Variants in ARSB observed in about 807,000 individuals in gnomAD.
ARSB encodes the protein N-acetylgalactosamine-4-sulfatase.
Under a neutral mutation model 50.9 loss-of-function variants are expected in ARSB, and 41 were observed. The observed-to-expected ratio is 0.81, with a 90% CI of 0.63 to 1.04. The LOEUF (loss-of-function observed/expected upper bound fraction) is 1.04. ARSB is among the 50% of genes least tolerant of loss of function. ARSB has a pLI of 0.00. For missense variants in ARSB, 672 were observed against 693.3 expected (o/e 0.97, Z 0.35); for synonymous variants, 269 against 284.8 (o/e 0.94, Z 0.56).
chr5:78,931,095 G>A (rs749525607), intron 4 of ARSB, among the ~76,000 whole-genome samples: 2 of 152,212 alleles, frequency 1.3e-5, no homozygotes, highest in African/African-American at 2.4e-5. Context: ...TCTCTCTCTC[G>A]TTTTCTGGAG....
chr5:78,869,848 C>A lies in ARSB; in HGVS notation c.1142+15736G>T, dbSNP rs1450705706. Among the ~76,000 whole-genome samples, 31 of 148,766 alleles carry A rather than the reference C, an allele frequency of 2.1e-4. 2 individuals carry two copies. In the South Asian group the frequency reaches 6.1e-3, roughly 29 times the overall value. ...CTGAAGGAAATAGAGACACAAAAAA[C>A]CCTTCAAAAAATCAATGAATCCAGG... On this transcript the variant is annotated intron_variant, in intron 5 of 7. Transcript: ENST00000264914.
At chr5:78,872,668 G>A (rs1369979055) in intron 5 of ARSB, among the ~76,000 whole-genome samples, 1 of 142,376 alleles carries the variant, frequency 7.0e-6, no homozygotes, top group African/African-American at 2.6e-5. Flanking sequence ...GACTGTGGTG[G>A]GGAGGGGGAG....
At chr5:78,877,115 A>G (rs1298229452) in intron 5 of ARSB, among the ~76,000 whole-genome samples, 1 of 152,126 alleles carries the variant, frequency 6.6e-6, no homozygotes, top group African/African-American at 2.4e-5. Context: ...ACGGGAAAGA[A>G]CTACCTGTAA....
At chr5:78,867,825 G>A (rs1276551804) in intron 5 of ARSB, among the ~76,000 whole-genome samples, 2 of 150,200 alleles carry the variant, frequency 1.3e-5, no homozygotes, top group African/African-American at 2.4e-5. Context: ...TGATTTTGAC[G>A]AGCTGAGAGA....
At chr5:78,917,554 C>T (rs1335377362) in intron 4 of ARSB, among the ~76,000 whole-genome samples, 2 of 152,028 alleles carry the variant, frequency 1.3e-5, no homozygotes, top group Non-Finnish European at 2.9e-5. Flanking sequence ...ACTCTATCAT[C>T]CAGGCTGGAG....
intron 5 of ARSB, among the ~76,000 whole-genome samples, chr5:78,846,905 T>C (rs969723634): frequency 4.6e-5 from 7 of 152,216 alleles, no homozygotes; most frequent in African/African-American, 2.4e-5. Flanking sequence ...ATGGCCTTTA[T>C]CGTGTTGAGC....
chr5:78,860,261 T>A (rs963205078), intron 5 of ARSB, among the ~76,000 whole-genome samples: 2 of 152,164 alleles, frequency 1.3e-5, no homozygotes, highest in African/African-American at 4.8e-5. Flanking sequence ...GGAGTCTAAG[T>A]CTCTTTGTAG....
At position 78,933,092 on chromosome 5, in the gene ARSB, G is replaced by A. The variant is rs559678517; in HGVS notation, c.898+22203C>T. ...ATAAGAATGTAAACTCTTGAAAGCA[G>A]AACCTGGAACTTTTATATGTGCGTA... is the stretch of plus-strand genomic sequence containing the variant. On this transcript the variant is annotated intron_variant, in intron 4 of 7. Coordinates refer to ENST00000264914, the MANE Select transcript of ARSB (RefSeq NM_000046.5). 9.8e-5 allele frequency among the ~76,000 whole-genome samples: 15 copies of A among 152,332 alleles called. No homozygotes were observed. The South Asian group carries it at 3.1e-3, about 32-fold the overall frequency.
At position 78,890,505 on chromosome 5, in the gene ARSB, A is replaced by T. The variant is rs1748241430; in HGVS notation, c.899-4678T>A. The stretch of plus-strand genomic sequence containing the variant: ...CTACCTTTAAAACAGCTTTCCAATC[A>T]TCCCCCCTTCTGCAGCCCATTGCTT... On this transcript the variant is annotated intron_variant, in intron 4 of 7. Transcript: ENST00000264914. Among the ~76,000 whole-genome samples the T allele has an allele frequency of 3.3e-5, 5 of 151,912 alleles. No homozygotes were observed. In the South Asian group the frequency reaches 1.0e-3, roughly 32 times the overall value.
At chr5:78,925,179 T>C (rs1749992683) in intron 4 of ARSB, among the ~76,000 whole-genome samples, 1 of 152,186 alleles carries the variant, frequency 6.6e-6, no homozygotes, top group Non-Finnish European at 1.5e-5. Flanking sequence ...GACCGTGCCC[T>C]AATCCATAGG....
intron 6 of ARSB, among the ~76,000 whole-genome samples, chr5:78,830,187 A>G (rs1744607020): frequency 6.6e-6 from 1 of 152,256 alleles, no homozygotes; most frequent in Admixed American, 6.5e-5. Context: ...TAAGCAAATA[A>G]ATAAATGGTC....
intron 6 of ARSB, among the ~76,000 whole-genome samples, chr5:78,835,409 G>T (rs1744906499): frequency 6.6e-6 from 1 of 152,136 alleles, no homozygotes; most frequent in African/African-American, 2.4e-5. Flanking sequence ...CTCCTGGGAA[G>T]TGCGTAATGC....
intron 4 of ARSB, among the ~76,000 whole-genome samples, chr5:78,905,438 C>A (rs1015779862): frequency 7.0e-6 from 1 of 142,852 alleles, no homozygotes; most frequent in Non-Finnish European, 1.5e-5. Context: ...AAAATCCTCT[C>A]GAGGGTGTTG....
At chr5:78,930,917 G>A (rs569184974) in intron 4 of ARSB, among the ~76,000 whole-genome samples, 4 of 152,250 alleles carry the variant, frequency 2.6e-5, no homozygotes, top group African/African-American at 7.2e-5. Flanking sequence ...GGCCCTCCAC[G>A]GAAGAGCAAG....
intron 1 of ARSB, among the ~76,000 whole-genome samples, chr5:78,974,981 CCATGGTCTCAAGGCTA>C (rs1752604950): frequency 6.6e-6 from 1 of 152,186 alleles, no homozygotes; most frequent in African/African-American, 2.4e-5. Flanking sequence ...TAGGAGGCAC[CCATGGTCTCAAGGCTA>C]CATGGTCCTC....
At chr5:78,957,347 C>T (rs970369038) in intron 3 of ARSB, among the ~76,000 whole-genome samples, 13 of 152,144 alleles carry the variant, frequency 8.5e-5, no homozygotes, top group Middle Eastern at 6.3e-3. Flanking sequence ...TTATATTACA[C>T]ATCCTTGTAA....
chr5:78,906,481 A>G (rs931453259), intron 4 of ARSB, among the ~76,000 whole-genome samples: 1 of 152,200 alleles, frequency 6.6e-6, no homozygotes, highest in African/African-American at 2.4e-5. Context: ...CCATAATTCC[A>G]TTGGCTCTTA....
At chr5:78,937,318 T>C (rs35559177) in intron 4 of ARSB, among the ~76,000 whole-genome samples, 1,880 of 74,670 alleles carry the variant, frequency 0.025, 86 homozygotes, top group Middle Eastern at 0.048. Context: ...ATCATATATA[T>C]GTAAGATATA....
chr5:78,803,984 GGGCACCTGGCA>G (rs1409944035), intron 6 of ARSB, among the ~76,000 whole-genome samples: 1 of 152,200 alleles, frequency 6.6e-6, no homozygotes, highest in African/African-American at 2.4e-5. Flanking sequence ...TCCCACCCGA[GGGCACCTGGCA>G]GAGCCAGACA....
Sources: gnomAD v4.1 joint callset for allele counts (sites outside exome capture counted in the v4.1 genomes callset) on GRCh38, gnomAD v4.1.1 for gene constraint, MANE v1.5 for transcripts, NCBI Gene and HGNC (gene_info 2026-07-23, HGNC 2026-07-21) for gene names.